CACNA1F: variants seen among roughly 807,000 people sequenced by gnomAD.
CACNA1F encodes voltage-dependent L-type calcium channel subunit alpha-1F.
CACNA1F carries 59 observed loss-of-function variants against 143.8 expected under a neutral mutation model. The observed-to-expected ratio is 0.41, with a 90% CI of 0.33 to 0.51. The LOEUF (loss-of-function observed/expected upper bound fraction) is 0.51. Ranked by LOEUF, CACNA1F falls within the 20% of genes least tolerant of loss-of-function variation. The pLI, the probability that CACNA1F is intolerant of heterozygous loss-of-function variation, is 0.22. For synonymous variants in CACNA1F, 643 were observed against 649.1 expected (o/e 0.99, Z 0.14); for missense variants, 1,411 against 1,647.5 (o/e 0.86, Z 2.48).
chrX:49,212,356 C>G, intron 33 of CACNA1F, 48 bp from the exon 34 acceptor site: 1 of 1,012,729 alleles, frequency 9.9e-7, no homozygotes, highest in Non-Finnish European at 1.4e-6. Flanking sequence ...CAGGCTCAGG[C>G]AAAGAACTAT....
At position 49,210,683 on chromosome X, in the gene CACNA1F, G is replaced by T. The variant is rs1557106028; in HGVS notation, c.4392C>A (p.Gly1464=). ...IWSEYDPGAK[G]RIKHLDVVAL... The stretch of plus-strand genomic sequence containing the variant: ...CAACCACATCCAAGTGTTTGATGCG[G>T]CCCCTGGAGGAGTTGGGGAGGTACC... Residue 1464 remains glycine, a synonymous_variant, in exon 38 of 48, where the codon GGC becomes GGA. Coordinates refer to ENST00000323022, the MANE Select transcript of CACNA1F (RefSeq NM_001256789.3). 1 of 1,203,553 alleles carries T rather than the reference G, an allele frequency of 8.3e-7. No individual in the cohort carries two copies. Among genetic ancestry groups the T allele is most frequent in the East Asian group, 3.0e-5 (1 of 33,741 alleles).
chrX:49,205,960 A>C (rs959190283), intron 46 of CACNA1F, 147 bp from the exon 47 acceptor site: 22 of 513,578 alleles, frequency 4.3e-5, no homozygotes, highest in Non-Finnish European at 6.8e-5. Context: ...TATTTATGTA[A>C]GAGTGCAGGA....
rs863225090 is a variant in CACNA1F at position 49,219,668 on chromosome X, C to T, written c.2509G>A (p.Gly837Ser). 8.3e-7 allele frequency: 1 copy of T among 1,205,982 alleles called. No homozygotes were observed. The highest frequency in any genetic ancestry group is 2.3e-4 in the Middle Eastern group (1 of 4,345). Reference protein sequence around the residue: ...PKEKVVPIPEGSAFFCLSQTN... With the variant: ...PKEKVVPIPESSAFFCLSQTN... ...TGGCTGAGGCAGAAGAAGGCGCTGC[C>T]CTCAGGGATGGGTACCACCTTCTCC... The change falls in exon 20 of 48, where the codon GGC becomes AGC. Residue 837 changes from glycine to serine, a missense_variant. Transcript: ENST00000323022.
intron 43 of CACNA1F, 43 bp from the exon 44 acceptor site, chrX:49,207,155 A>T (rs2065607027): frequency 2.5e-6 from 2 of 792,190 alleles, no homozygotes; most frequent in African/African-American, 4.1e-5. Context: ...ATCCCTCAAT[A>T]TGTGGCCCTG....
chrX:49,206,538 C>T lies in CACNA1F; in HGVS notation c.5445G>A (p.Gly1815=), dbSNP rs1557104909. ...DLPIPGTYHR[G]RNSGPNRAQG... ...GAGCCCTATTGGGCCCTGAATTTCG[C>T]CCACGATGATAGGTGCCTGGGATGG... The change falls in exon 46 of 48, where the codon GGG becomes GGA. Residue 1815 remains glycine, a synonymous_variant. Transcript: ENST00000323022. The T allele has an allele frequency of 4.1e-6, 5 of 1,209,552 alleles. No individual in the cohort carries two copies. Among genetic ancestry groups the T allele is most frequent in the Non-Finnish European group, 5.6e-6 (5 of 893,339 alleles).
Position 49,212,707 on chromosome X carries a change from C to T in CACNA1F, c.3902G>A (p.Gly1301Glu). The T allele has an allele frequency of 7.4e-6, 9 of 1,208,780 alleles. No individual in the cohort carries two copies. The highest frequency in any genetic ancestry group is 1.0e-5 in the Non-Finnish European group (9 of 893,659). The change falls in exon 33 of 48, where the codon GGG becomes GAG. Residue 1301 changes from glycine (G) to glutamate (E), a missense_variant. Transcript: ENST00000323022. Reference sequence around the variant, plus strand: ...GAATGTCCAGAGCAATGTGCGGATCCCTTCACCCTTACTGAGAAGCTTGAC... The same window carrying T: ...GAATGTCCAGAGCAATGTGCGGATCTCTTCACCCTTACTGAGAAGCTTGAC... ...RLVKLLSKGE[G>E]IRTLLWTFIK...
At position 49,213,008 on chromosome X, in the gene CACNA1F, T is replaced by G; in HGVS notation, c.3793-14A>C. ...GTGGCCACCATTCTGGAGGGAGATATGGCCAAGAAAAAGGTGATACAGGAG... is the reference window on the plus strand; with the variant it reads ...GTGGCCACCATTCTGGAGGGAGATAGGGCCAAGAAAAAGGTGATACAGGAG... On this transcript the variant is annotated splice_polypyrimidine_tract_variant and intron_variant, in intron 31 of 47. Transcript: ENST00000323022. 8.4e-7 allele frequency: 1 copy of G among 1,196,444 alleles called. No homozygotes were observed. The highest frequency in any genetic ancestry group is 1.7e-5 in the African/African-American group (1 of 57,268).
At position 49,231,127 on chromosome X, in the gene CACNA1F, G is replaced by A. The variant is rs782518536; in HGVS notation, c.381+75C>T. 9.7e-6 allele frequency: 8 copies of A among 826,166 alleles called. No individual in the cohort carries two copies. The African/African-American group carries it at 1.0e-4, about 11-fold the overall frequency. 68.1% of individuals were successfully genotyped at this position (826,166 alleles called of 1,213,427 possible). ...GGCCATCCGGGTCAGAGAGGGGGCG[G>A]GGTCTGGCTGGAAGGAGTGAGCTCT... is the stretch of plus-strand genomic sequence containing the variant. On this transcript the variant is annotated intron_variant, in intron 3 of 47. Transcript: ENST00000323022.
At position 49,224,819 on chromosome X, in the gene CACNA1F, G is replaced by A; in HGVS notation, c.1819C>T (p.Pro607Ser). 8.4e-7 allele frequency: 1 copy of A among 1,197,192 alleles called. No homozygotes were observed. Among genetic ancestry groups the A allele is most frequent in the Non-Finnish European group, 1.1e-6 (1 of 886,834 alleles). ...CATCGGAGCACTGAGATGCCCAAGG[G>A]CTGCATGGCACCCACCTCCACCAAG... ...TTLVEVGAMQPLGISVLRCVR... is the reference protein window; with the variant it reads ...TTLVEVGAMQSLGISVLRCVR... Residue 607 changes from proline to serine, a missense_variant, in exon 14 of 48, where the codon CCC becomes TCC. Pro to Ser is a moderately conservative substitution (Grantham distance 74). This residue lies in a region of CACNA1F where 950 missense variants were observed against 1,128.1 expected (regional missense o/e 0.84). Transcript: ENST00000323022.
In CACNA1F at chrX:49,209,451, T is replaced by A. The variant is rs1301487439; in HGVS notation, c.4822-58A>T. 6.0e-6 allele frequency: 7 copies of A among 1,171,822 alleles called. No homozygotes were observed. The East Asian group carries it at 2.1e-4, about 35-fold the overall frequency. ...CTCAGGGTCTGAACTTTCCCTCTGT[T>A]TCCCCTGCAGGCGGGTAGGGTGGGG... On this transcript the variant is annotated intron_variant, in intron 41 of 47. Transcript: ENST00000323022.
chrX:49,225,090 C>T (rs1206657370), intron 13 of CACNA1F, 104 bp from the exon 14 acceptor site: 1 of 558,317 alleles, frequency 1.8e-6, no homozygotes, highest in East Asian at 3.6e-5. Context: ...TGGTATCAGG[C>T]CAGGTGCTGG....
Position 49,212,764 on chromosome X carries a change from G to T in CACNA1F, c.3845C>A (p.Thr1282Asn). The change falls in exon 33 of 48, where the codon ACC becomes AAC. Residue 1282 changes from threonine to asparagine, a missense_variant. Thr to Asn is a moderately conservative substitution (Grantham distance 65). Coordinates refer to ENST00000323022, the MANE Select transcript of CACNA1F (RefSeq NM_001256789.3). ...SSEDSSRISI[T>N]FFRLFRVMRL... The stretch of plus-strand genomic sequence containing the variant: ...CATAACTCGGAAGAGGCGAAAGAAG[G>T]TAATGGAAATGCGGGAGCTGTCCTC... The T allele has an allele frequency of 8.3e-7, 1 of 1,210,529 alleles. No homozygotes were observed. The highest frequency in any genetic ancestry group is 1.1e-6 in the Non-Finnish European group (1 of 894,745).
intron 13 of CACNA1F, 89 bp from the exon 14 acceptor site, chrX:49,225,075 G>A (rs1194667627): frequency 6.7e-6 from 4 of 599,876 alleles, no homozygotes; most frequent in Non-Finnish European, 1.1e-5. Flanking sequence ...GTGACCCACG[G>A]TAGCTGGTAT....
intron 6 of CACNA1F, among the ~76,000 whole-genome samples, chrX:49,228,690 G>C (rs1029390445): frequency 6.2e-5 from 7 of 112,688 alleles, no homozygotes; most frequent in Non-Finnish European, 1.1e-4. Context: ...TCAGCCTCCT[G>C]AGTAGCTGGG....
chrX:49,231,446 CT>C, intron 2 of CACNA1F, 139 bp from the exon 3 acceptor site: 1 of 616,087 alleles, frequency 1.6e-6, no homozygotes, highest in Non-Finnish European at 2.7e-6. Flanking sequence ...CTGACAAGGC[CT>C]TGACTTTGTC....
At chrX:49,216,286 C>T (rs1185654501) in intron 27 of CACNA1F, 96 bp downstream of exon 27, 2 of 953,411 alleles carry the variant, frequency 2.1e-6, no homozygotes, top group Admixed American at 4.8e-5. Context: ...CGTCACATCC[C>T]CAAGGTACAC....
chrX:49,217,961 G>A lies in CACNA1F; in HGVS notation c.2973C>T (p.Asn991=), dbSNP rs1557107823. Residue 991 remains asparagine, a synonymous_variant, in exon 25 of 48, where the codon AAC becomes AAT. Transcript: ENST00000323022. The stretch of plus-strand genomic sequence containing the variant: ...GCAGAAGTGTGGTGACAATCATGAT[G>A]TTTCCGATGGTCCGGATGGCCACAA... ...CVFVAIRTIG[N]IMIVTTLLQF... 1 of 1,208,957 alleles carries A rather than the reference G, an allele frequency of 8.3e-7. No individual in the cohort carries two copies. The highest frequency in any genetic ancestry group is 1.8e-5 in the African/African-American group (1 of 57,000).
In CACNA1F at chrX:49,219,295, C is replaced by G. The variant is rs374104782; in HGVS notation, c.2673+26G>C. The G allele has an allele frequency of 8.3e-6, 10 of 1,200,623 alleles. No individual in the cohort carries two copies. In the African/African-American group the frequency reaches 1.2e-4, roughly 15 times the overall value. On this transcript the variant is annotated intron_variant, in intron 21 of 47. Coordinates refer to ENST00000323022, the MANE Select transcript of CACNA1F (RefSeq NM_001256789.3). ...GACACCCCTGGGAGTGTCCCCTCAG[C>G]TCCTAGCTCCCAGCCAAAGGCTCAC... is the stretch of plus-strand genomic sequence containing the variant.
chrX:49,230,894 G>A lies in CACNA1F; in HGVS notation c.477C>T (p.Ile159=), dbSNP rs1557111169. 2.5e-6 allele frequency: 3 copies of A among 1,186,944 alleles called. No homozygotes were observed. The Admixed American group carries it at 7.0e-5, about 28-fold the overall frequency. Residue 159 remains isoleucine (I), a synonymous_variant, in exon 4 of 48, where the codon ATC becomes ATT. Coordinates refer to ENST00000323022, the MANE Select transcript of CACNA1F (RefSeq NM_001256789.3). ...YGLVLHPSAY[I]RNGWNLLDFI... is the part of the protein sequence containing the mutation. ...AGTCGAGTAGGTTCCAGCCATTGCG[G>A]ATGTAGGCGCTGGGGTGGAGCACCA... is the stretch of plus-strand genomic sequence containing the variant.
Sources: allele counts gnomAD v4.1 joint callset (sites outside exome capture counted in the v4.1 genomes callset), GRCh38; gene constraint gnomAD v4.1.1; regional missense constraint gnomAD v4.1.1; transcripts MANE v1.5; gene names NCBI Gene and HGNC (gene_info 2026-07-23, HGNC 2026-07-21).